Variants in NCKAP5 observed in about 807,000 individuals in gnomAD.
NCKAP5 encodes NCK associated protein 5.
A neutral mutation model predicts 167.0 loss-of-function variants in NCKAP5; 92 were observed. That is an observed-to-expected ratio of 0.55 (90% CI 0.47 to 0.66). NCKAP5 has a LOEUF of 0.66. NCKAP5 is among the 30% of genes least tolerant of loss of function. The probability of loss-of-function intolerance (pLI) is 0.00; values close to 1 mark genes in which losing one functional copy is unlikely to be tolerated. For synonymous variants in NCKAP5, 891 were observed against 877.4 expected (o/e 1.02, Z -0.27); for missense variants, 2,378 against 2,315.0 (o/e 1.03, Z -0.56).
intron 8 of NCKAP5, among the ~76,000 whole-genome samples, chr2:132,961,529 A>G (rs2076510316): frequency 6.6e-6 from 1 of 152,130 alleles, no homozygotes; most frequent in Non-Finnish European, 1.5e-5. Flanking sequence ...AAAATAAAAT[A>G]GTTTTATGAA....
intron 2 of NCKAP5, among the ~76,000 whole-genome samples, chr2:133,522,194 G>A (rs1270704882): frequency 6.6e-6 from 1 of 152,182 alleles, no homozygotes; most frequent in East Asian, 1.9e-4. Context: ...GGTGACTGCA[G>A]GCTCCAGCAA....
intron 4 of NCKAP5, among the ~76,000 whole-genome samples, chr2:133,253,985 C>A (rs191131882): frequency 3.7e-4 from 57 of 152,284 alleles, no homozygotes; most frequent in African/African-American, 1.3e-3. Flanking sequence ...AAATTCACTT[C>A]TCTCACTGGC....
chr2:133,470,279 G>A lies in NCKAP5; in HGVS notation c.69+47179C>T, dbSNP rs541538249. On this transcript the variant is annotated intron_variant, in intron 3 of 19. Transcript: ENST00000409261. Reference sequence around the variant, plus strand: ...GTTGGAATACCCTGCCGTGTGAGGTGTCAGTGTGCCCCTGCTGGGGGGTGC... The same window carrying A: ...GTTGGAATACCCTGCCGTGTGAGGTATCAGTGTGCCCCTGCTGGGGGGTGC... Among the ~76,000 whole-genome samples, 493 of 151,950 alleles carry A rather than the reference G, an allele frequency of 3.2e-3. 3 individuals are homozygous for A. Among genetic ancestry groups the A allele is most frequent in the South Asian group, 8.3e-3 (40 of 4,804 alleles).
At chr2:132,777,584 G>A (rs1023805077) in intron 15 of NCKAP5, among the ~76,000 whole-genome samples, 1 of 152,144 alleles carries the variant, frequency 6.6e-6, no homozygotes, top group Admixed American at 6.6e-5. Flanking sequence ...AATCCTGGGA[G>A]AGAAAGTTCC....
At chr2:133,325,846 A>C (rs1682398508) in intron 3 of NCKAP5, among the ~76,000 whole-genome samples, 1 of 152,190 alleles carries the variant, frequency 6.6e-6, no homozygotes, top group South Asian at 2.1e-4. Context: ...TTGAGTACTC[A>C]CTGACACCTG....
intron 5 of NCKAP5, among the ~76,000 whole-genome samples, chr2:133,157,159 C>A (rs2083604855): frequency 6.6e-6 from 1 of 152,228 alleles, no homozygotes; most frequent in African/African-American, 2.4e-5. Context: ...CATCTGGAAT[C>A]TACCAATTTT....
Position 132,763,920 on chromosome 2 carries a change from G to A in NCKAP5, c.5128+9896C>T, listed in dbSNP as rs75815926. 6.5e-3 allele frequency among the ~76,000 whole-genome samples: 992 copies of A among 152,230 alleles called. 14 individuals carry two copies. Among genetic ancestry groups the A allele is most frequent in the African/African-American group, 0.023 (937 of 41,536 alleles). On this transcript the variant is annotated intron_variant, in intron 16 of 19. Transcript: ENST00000409261. Reference sequence around the variant, plus strand: ...AGGGCATAGTTTGCAGACAATGCTCGATATAGGCTTGTTGAACTAAATAGA... The same window carrying A: ...AGGGCATAGTTTGCAGACAATGCTCAATATAGGCTTGTTGAACTAAATAGA...
At chr2:133,386,983 G>A (rs1452840431) in intron 3 of NCKAP5, among the ~76,000 whole-genome samples, 2 of 152,128 alleles carry the variant, frequency 1.3e-5, no homozygotes, top group Admixed American at 6.6e-5. Flanking sequence ...ACACTGATGG[G>A]TCTTGACTCT....
At chr2:132,792,931 C>G (rs1227837245) in intron 12 of NCKAP5, among the ~76,000 whole-genome samples, 3 of 152,174 alleles carry the variant, frequency 2.0e-5, no homozygotes, top group Non-Finnish European at 2.9e-5. Flanking sequence ...AAGTAGGACT[C>G]AGAAGATGGG....
At chr2:132,749,183 CT>C (rs1255734736) in intron 16 of NCKAP5, among the ~76,000 whole-genome samples, 1 of 151,772 alleles carries the variant, frequency 6.6e-6, no homozygotes, top group Non-Finnish European at 1.5e-5. Context: ...ATAGTTTTTT[CT>C]TTTTTTTCTT....
At chr2:133,137,990 T>G (rs2082856983) in intron 5 of NCKAP5, among the ~76,000 whole-genome samples, 1 of 152,054 alleles carries the variant, frequency 6.6e-6, no homozygotes, top group African/African-American at 2.4e-5. Flanking sequence ...AACATTTGAT[T>G]TTTTTTAGAT....
chr2:133,562,426 T>C (rs1197076786), intron 1 of NCKAP5, among the ~76,000 whole-genome samples: 5 of 152,218 alleles, frequency 3.3e-5, no homozygotes, highest in African/African-American at 1.2e-4. Flanking sequence ...TGGAAACCAT[T>C]TGAGAAATGC....
At chr2:133,384,181 T>C (rs1023314733) in intron 3 of NCKAP5, among the ~76,000 whole-genome samples, 53 of 152,260 alleles carry the variant, frequency 3.5e-4, no homozygotes, top group African/African-American at 1.2e-3. Context: ...AGGGTTTTTA[T>C]GGTTTCAGGT....
At chr2:132,865,770 T>G (rs547709947) in intron 10 of NCKAP5, among the ~76,000 whole-genome samples, 2 of 152,132 alleles carry the variant, frequency 1.3e-5, no homozygotes, top group Non-Finnish European at 2.9e-5. Context: ...GCAACAGCCA[T>G]AATTAAAGCA....
chr2:133,526,217 AAGG>A (rs1684875652), intron 2 of NCKAP5, among the ~76,000 whole-genome samples: 1 of 130,040 alleles, frequency 7.7e-6, no homozygotes, highest in African/African-American at 3.1e-5. Context: ...GGAAGGAAGG[AAGG>A]AAGGAAGAAA....
the NCKAP5 span, among the ~76,000 whole-genome samples, chr2:133,599,312 G>C: frequency 6.6e-6 from 1 of 152,196 alleles, no homozygotes; most frequent in Non-Finnish European, 1.5e-5. Context: ...GTCCTTGCAG[G>C]ACCCAGAGGG....
chr2:133,604,190 T>A, the NCKAP5 span, among the ~76,000 whole-genome samples: 1 of 151,568 alleles, frequency 6.6e-6, no homozygotes, highest in African/African-American at 2.4e-5. Flanking sequence ...TAAAGATGAG[T>A]CTTTAGGATG....
At chr2:133,618,848 A>T in the NCKAP5 span, among the ~76,000 whole-genome samples, 4 of 135,976 alleles carry the variant, frequency 2.9e-5, no homozygotes, top group African/African-American at 1.1e-4. Context: ...ATAAAGACAC[A>T]TGCACACGTA....
At chr2:133,614,910 C>A in the NCKAP5 span, among the ~76,000 whole-genome samples, 1 of 152,260 alleles carries the variant, frequency 6.6e-6, no homozygotes, top group African/African-American at 2.4e-5. Context: ...AAAGGTCGGG[C>A]TACCCTCAAA....
Sources: gnomAD v4.1 joint callset for allele counts (sites outside exome capture counted in the v4.1 genomes callset) on GRCh38, gnomAD v4.1.1 for gene constraint, MANE v1.5 for transcripts, NCBI Gene and HGNC (gene_info 2026-07-23, HGNC 2026-07-21) for gene names.